VCAN: variants seen among roughly 807,000 people sequenced by gnomAD.
VCAN encodes versican.
Under a neutral mutation model 245.5 loss-of-function variants are expected in VCAN, and 44 were observed. That is an observed-to-expected ratio of 0.18 (90% CI 0.14 to 0.23). The LOEUF is 0.23. Among genes scored for constraint, VCAN ranks in the 10% least tolerant of loss-of-function variants. The pLI is 1.00. For missense variants in VCAN, 3,793 were observed against 4,057.9 expected, an observed-to-expected ratio of 0.93 and a Z score of 1.77; for synonymous variants, 1,413 against 1,437.0, an observed-to-expected ratio of 0.98 and a Z score of 0.38.
intron 1 of VCAN, among the ~76,000 whole-genome samples, chr5:83,480,596 A>G (rs1744581407): frequency 6.6e-6 from 1 of 152,228 alleles, no homozygotes; most frequent in African/African-American, 2.4e-5. Flanking sequence ...TTCCTCAAGG[A>G]TATACCCTGA....
intron 9 of VCAN, among the ~76,000 whole-genome samples, chr5:83,546,576 C>T (rs1044367339): frequency 2.1e-5 from 3 of 142,992 alleles, no homozygotes; most frequent in Non-Finnish European, 3.0e-5. Flanking sequence ...GGCAACATGG[C>T]AGAACCTCAC....
At chr5:83,532,577 C>T (rs1746562286) in intron 7 of VCAN, among the ~76,000 whole-genome samples, 1 of 151,878 alleles carries the variant, frequency 6.6e-6, no homozygotes, top group African/African-American at 2.4e-5. Flanking sequence ...GAAATCCAGC[C>T]AGGTGCAGCG....
At position 83,521,007 on chromosome 5, in the gene VCAN, A is replaced by C; in HGVS notation, c.2701A>C (p.Thr901Pro). The C allele has an allele frequency of 6.2e-7, 1 of 1,613,778 alleles. No individual in the cohort carries two copies. Among genetic ancestry groups the C allele is most frequent in the Non-Finnish European group, 8.5e-7 (1 of 1,179,900 alleles). The change falls in exon 7 of 15, where the codon ACA becomes CCA. Residue 901 changes from threonine (T) to proline (P), a missense_variant. Thr to Pro is a conservative substitution (Grantham distance 38). Coordinates refer to ENST00000265077, the MANE Select transcript of VCAN (RefSeq NM_004385.5). ...AGAAAAGTCAACTTTGAGAGATTCT[A>C]CAACTGAAGAAAAAGTTCCACCTAT... ...IAEKSTLRDS[T>P]TEEKVPPITS...
At chr5:83,574,801 TAATAA>T (rs907856183) in intron 13 of VCAN, among the ~76,000 whole-genome samples, 3 of 152,192 alleles carry the variant, frequency 2.0e-5, no homozygotes, top group African/African-American at 7.2e-5. Context: ...TTACAAGATA[TAATAA>T]AATAAGAACA....
At chr5:83,472,781 G>T (rs1391275901) in intron 1 of VCAN, among the ~76,000 whole-genome samples, 3 of 152,210 alleles carry the variant, frequency 2.0e-5, no homozygotes, top group African/African-American at 7.2e-5. Flanking sequence ...CAGAGGATGG[G>T]GGGTGGGGTT....
intron 12 of VCAN, among the ~76,000 whole-genome samples, chr5:83,557,026 T>G (rs1429744051): frequency 1.3e-5 from 2 of 152,080 alleles, no homozygotes; most frequent in Non-Finnish European, 2.9e-5. Flanking sequence ...GAAGCTGGCA[T>G]GCCCAGGACT....
chr5:83,558,909 T>A (rs1747766092), intron 12 of VCAN, among the ~76,000 whole-genome samples: 1 of 152,172 alleles, frequency 6.6e-6, no homozygotes, highest in Non-Finnish European at 1.5e-5. Context: ...ATGAATAAAA[T>A]TGTGCCTAGC....
Position 83,540,313 on chromosome 5 carries a change from A to G in VCAN, c.7310A>G (p.Asp2437Gly). Reference sequence around the variant, plus strand: ...TCTGGAGAAGGATCTGGAGAAGTGGATATTGTTGATTCATTTCACACTTCT... The same window carrying G: ...TCTGGAGAAGGATCTGGAGAAGTGGGTATTGTTGATTCATTTCACACTTCT... ...EPSGEGSGEV[D>G]IVDSFHTSAT... Residue 2437 changes from aspartate (D) to glycine (G), a missense_variant, in exon 8 of 15, where the codon GAT (aspartate) becomes GGT (glycine). Asp to Gly is a moderately conservative substitution (Grantham distance 94, BLOSUM62 -1). Around this residue, in one of 5 missense-constraint regions of VCAN, gnomAD observed 3,182 missense variants for 3,250.3 expected, o/e 0.98. Coordinates refer to ENST00000265077, the MANE Select transcript of VCAN (RefSeq NM_004385.5). 6.2e-7 allele frequency: 1 copy of G among 1,614,118 alleles called. No homozygotes were observed. The highest frequency in any genetic ancestry group is 8.5e-7 in the Non-Finnish European group (1 of 1,179,988).
intron 12 of VCAN, among the ~76,000 whole-genome samples, chr5:83,566,615 G>C (rs188283891): frequency 2.6e-5 from 4 of 152,146 alleles, no homozygotes; most frequent in Admixed American, 2.0e-4. Flanking sequence ...ACTGAATTAA[G>C]TTGGAGACTT....
intron 1 of VCAN, among the ~76,000 whole-genome samples, chr5:83,478,478 C>T (rs1744476769): frequency 6.6e-6 from 1 of 151,988 alleles, no homozygotes; most frequent in South Asian, 2.1e-4. Flanking sequence ...ACCAATATCA[C>T]CCAAGACAAA....
In VCAN at chr5:83,490,267, GACT is replaced by G. The variant is rs1744935945; in HGVS notation, c.244_246del (p.Thr82del). On this transcript the variant is annotated inframe_deletion, in exon 3 of 15. Coordinates refer to ENST00000265077, the MANE Select transcript of VCAN (RefSeq NM_004385.5). ...ACAAAAATGGAAAAGATTTGAAAGA[GACT>G]ACTGTCCTTGTGGCCCAAAATGGAA... 6.2e-7 allele frequency: 1 copy of G among 1,614,174 alleles called. No homozygotes were observed. Among genetic ancestry groups the G allele is most frequent in the Non-Finnish European group, 8.5e-7 (1 of 1,180,044 alleles).
chr5:83,532,631 G>T (rs941768704), intron 7 of VCAN, among the ~76,000 whole-genome samples: 1 of 151,962 alleles, frequency 6.6e-6, no homozygotes, highest in Non-Finnish European at 1.5e-5. Context: ...GAGGCAGGAG[G>T]ATTGCTCAAA....
chr5:83,567,869 C>T (rs1245803182), intron 12 of VCAN, among the ~76,000 whole-genome samples: 2 of 152,174 alleles, frequency 1.3e-5, no homozygotes, highest in African/African-American at 2.4e-5. Context: ...TTTGCACATT[C>T]AGCTCTAGAA....
In VCAN at chr5:83,581,339, A is replaced by AAAAG. The variant is rs1561281216; in HGVS notation, c.*909_*912dup. 2 of 125,320 alleles carry AAAAG rather than the reference A, an allele frequency of 1.6e-5. No individual in the cohort carries two copies. The highest frequency in any genetic ancestry group is 2.8e-5 in the African/African-American group (1 of 36,154). 7.8% of individuals were successfully genotyped at this position (125,320 alleles called of 1,614,324 possible). On this transcript the variant is annotated 3_prime_UTR_variant, in exon 15 of 15. Coordinates refer to ENST00000265077, the MANE Select transcript of VCAN (RefSeq NM_004385.5). ...ATGCAAAAAAAAAAAAAAAAAAAAA[A>AAAAG]AAAGAAATTTTGTATATATAACCAT...
At chr5:83,518,547 G>A (rs938319713) in intron 6 of VCAN, among the ~76,000 whole-genome samples, 1 of 152,076 alleles carries the variant, frequency 6.6e-6, no homozygotes, top group East Asian at 1.9e-4. Context: ...AAGTAAGCCT[G>A]GAAACAAGAT....
intron 8 of VCAN, among the ~76,000 whole-genome samples, chr5:83,543,196 T>C (rs903754783): frequency 6.6e-6 from 1 of 152,194 alleles, no homozygotes; most frequent in African/African-American, 2.4e-5. Context: ...ATTTACTTTG[T>C]AGAATTTATT....
chr5:83,484,267 G>A (rs1744716009), intron 2 of VCAN, among the ~76,000 whole-genome samples: 1 of 151,998 alleles, frequency 6.6e-6, no homozygotes, highest in Non-Finnish European at 1.5e-5. Context: ...TTTTCCAGAT[G>A]AATTCCTTTT....
Position 83,512,105 on chromosome 5 carries a change from G to A in VCAN, c.751G>A (p.Asp251Asn), listed in dbSNP as rs750543900. 1.9e-6 allele frequency: 3 copies of A among 1,613,642 alleles called. No individual in the cohort carries two copies. The African/African-American group carries it at 4.0e-5, about 22-fold the overall frequency. Residue 251 changes from aspartate to asparagine, a missense_variant and splice_region_variant, in exon 6 of 15, where the codon GAT becomes AAT. By Grantham distance (23) the Asp-to-Asn change is conservative. This residue lies in a region of VCAN where 190 missense variants were observed against 288.6 expected (regional missense o/e 0.66). Coordinates refer to ENST00000265077, the MANE Select transcript of VCAN (RefSeq NM_004385.5). ...TTTTTCCCTTCTTTTTTTTCCAGGTGATGTGTTCCACCTCACTGTCCCCAG... is the reference window on the plus strand; with the variant it reads ...TTTTTCCCTTCTTTTTTTTCCAGGTAATGTGTTCCACCTCACTGTCCCCAG... ...VYCYVDHLDG[D>N]VFHLTVPSKF...
chr5:83,550,758 G>T (rs575950916), intron 10 of VCAN, among the ~76,000 whole-genome samples: 17 of 151,950 alleles, frequency 1.1e-4, no homozygotes, highest in Non-Finnish European at 2.5e-4. Context: ...GTGGTGGCGG[G>T]TGCCTGTAAT....
Sources: allele counts gnomAD v4.1 joint callset (sites outside exome capture counted in the v4.1 genomes callset), GRCh38; gene constraint gnomAD v4.1.1; regional missense constraint gnomAD v4.1.1; transcripts MANE v1.5; gene names NCBI Gene and HGNC (gene_info 2026-07-23, HGNC 2026-07-21).